The following NLK variants were observed in gnomAD, a reference collection of about 807,000 sequenced individuals.
The protein encoded by NLK is nemo like kinase.
In NLK, 11 loss-of-function variants were observed where a neutral mutation model predicts 59.0. The observed-to-expected ratio is 0.19, with a 90% CI of 0.12 to 0.31. NLK has a LOEUF of 0.31. Among genes scored for constraint, NLK ranks in the 10% least tolerant of loss-of-function variants. The pLI is 1.00. For synonymous variants in NLK, 235 were observed against 235.9 expected (o/e 1.00, Z 0.03); for missense variants, 410 against 661.1 (o/e 0.62, Z 4.16).
At chr17:28,187,031 T>TC (rs1313066740) in intron 8 of NLK, among the ~76,000 whole-genome samples, 2 of 152,204 alleles carry the variant, frequency 1.3e-5, no homozygotes, top group African/African-American at 4.8e-5. Context: ...AAGATGTTGA[T>TC]CAATATGTTA....
intron 1 of NLK, among the ~76,000 whole-genome samples, chr17:28,068,806 G>C (rs993649834): frequency 6.6e-6 from 1 of 152,136 alleles, no homozygotes; most frequent in Non-Finnish European, 1.5e-5. Context: ...AGCCTTCAGA[G>C]TAGCTGGGAC....
intron 3 of NLK, 58 bp from the exon 4 acceptor site, chr17:28,161,102 C>A: frequency 1.1e-6 from 1 of 903,770 alleles, no homozygotes; most frequent in South Asian, 1.3e-5. Context: ...ATCTGGTCAC[C>A]ACTTTGAGGG....
intron 3 of NLK, among the ~76,000 whole-genome samples, chr17:28,158,466 C>T (rs1907873802): frequency 6.6e-6 from 1 of 152,108 alleles, no homozygotes; most frequent in Admixed American, 6.5e-5. Flanking sequence ...AAACTCTGTG[C>T]TCTTAAGCTA....
downstream of NLK, chr17:28,196,453 C>G (rs1393093795): frequency 6.6e-6 from 1 of 152,384 alleles, no homozygotes; most frequent in Admixed American, 6.5e-5. Flanking sequence ...CCTGACTTTG[C>G]AAAGTTTTGA....
chr17:28,191,587 A>G (rs1909309473), intron 9 of NLK, among the ~76,000 whole-genome samples: 1 of 152,202 alleles, frequency 6.6e-6, no homozygotes, highest in African/African-American at 2.4e-5. Context: ...TTGGACGATG[A>G]CAAGAGAAGG....
At chr17:28,120,025 C>T (rs921325389) in intron 1 of NLK, among the ~76,000 whole-genome samples, 3 of 152,092 alleles carry the variant, frequency 2.0e-5, no homozygotes, top group Admixed American at 6.6e-5. Flanking sequence ...ACCAAAGAGA[C>T]GTGACAGTTG....
At chr17:28,113,743 G>A (rs1184595840) in intron 1 of NLK, among the ~76,000 whole-genome samples, 1 of 152,080 alleles carries the variant, frequency 6.6e-6, no homozygotes, top group Non-Finnish European at 1.5e-5. Context: ...TTAACTTCCT[G>A]GGAATGCAGC....
At chr17:28,141,256 T>C (rs1369470142) in intron 3 of NLK, among the ~76,000 whole-genome samples, 1 of 152,220 alleles carries the variant, frequency 6.6e-6, no homozygotes, top group Non-Finnish European at 1.5e-5. Flanking sequence ...GATATACTTT[T>C]CCTAAATTCT....
At chr17:28,204,557 T>C in the NLK span, among the ~76,000 whole-genome samples, 2 of 152,174 alleles carry the variant, frequency 1.3e-5, no homozygotes, top group African/African-American at 4.8e-5. Flanking sequence ...TGTGGATCCA[T>C]TCATTCAGCA....
chr17:28,158,554 TA>T (rs1907876985), intron 3 of NLK, among the ~76,000 whole-genome samples: 2 of 152,238 alleles, frequency 1.3e-5, no homozygotes, highest in Non-Finnish European at 2.9e-5. Context: ...CGAAACTTTT[TA>T]ATTTTGTTAA....
At chr17:28,201,229 T>A (rs1342357369), downstream of NLK, among the ~76,000 whole-genome samples, 1 of 152,032 alleles carries the variant, frequency 6.6e-6, no homozygotes, top group East Asian at 1.9e-4. Flanking sequence ...TACAAACATG[T>A]GCCACCACAC....
intron 1 of NLK, among the ~76,000 whole-genome samples, chr17:28,067,420 A>G (rs1293664363): frequency 6.6e-6 from 1 of 152,148 alleles, no homozygotes; most frequent in Admixed American, 6.5e-5. Context: ...TCATGGAGTC[A>G]AATTTGCAAA....
chr17:28,150,885 T>G (rs1672873756), intron 3 of NLK, among the ~76,000 whole-genome samples: 1 of 152,208 alleles, frequency 6.6e-6, no homozygotes, highest in Non-Finnish European at 1.5e-5. Context: ...CATATTCTTC[T>G]GAAAACCTTA....
At chr17:28,061,182 A>G (rs1007566408) in intron 1 of NLK, among the ~76,000 whole-genome samples, 1 of 152,220 alleles carries the variant, frequency 6.6e-6, no homozygotes, top group Non-Finnish European at 1.5e-5. Flanking sequence ...GTAGTAATCA[A>G]GTTGCTGAGA....
intron 3 of NLK, among the ~76,000 whole-genome samples, chr17:28,152,832 C>T (rs1442220174): frequency 6.6e-6 from 1 of 152,110 alleles, no homozygotes; most frequent in Non-Finnish European, 1.5e-5. Flanking sequence ...TTAAGATGCC[C>T]AGGCAGGTCT....
Position 28,047,166 on chromosome 17 carries a change from T to C in NLK, c.458+3835T>C, listed in dbSNP as rs569167635. Among the ~76,000 whole-genome samples, 42 of 152,346 alleles carry C rather than the reference T, an allele frequency of 2.8e-4. 1 individual carries two copies. The Middle Eastern group carries it at 0.014, about 49-fold the overall frequency. On this transcript the variant is annotated intron_variant, in intron 1 of 10. Transcript: ENST00000407008. Reference sequence around the variant, plus strand: ...AATTCTTGTAAACCAATGATTACACTGTCTAGCACACAGTAAGCATCAATA... The same window carrying C: ...AATTCTTGTAAACCAATGATTACACCGTCTAGCACACAGTAAGCATCAATA...
At chr17:28,052,865 G>C (rs1186171814) in intron 1 of NLK, among the ~76,000 whole-genome samples, 1 of 148,934 alleles carries the variant, frequency 6.7e-6, no homozygotes, top group East Asian at 1.9e-4. Flanking sequence ...CTACTGACCA[G>C]CACCAGCATA....
At chr17:28,101,634 A>G (rs1021716188) in intron 1 of NLK, among the ~76,000 whole-genome samples, 3 of 151,560 alleles carry the variant, frequency 2.0e-5, no homozygotes, top group African/African-American at 4.8e-5. Context: ...GATTGACCTC[A>G]TACCCTGGAA....
At chr17:28,123,297 G>A (rs888333771) in intron 2 of NLK, among the ~76,000 whole-genome samples, 8 of 152,134 alleles carry the variant, frequency 5.3e-5, no homozygotes, top group African/African-American at 9.7e-5. Flanking sequence ...TATGTTTAAA[G>A]CCCATAGAAA....
Sources: gnomAD v4.1 joint callset for allele counts (sites outside exome capture counted in the v4.1 genomes callset) on GRCh38, gnomAD v4.1.1 for gene constraint, MANE v1.5 for transcripts, NCBI Gene and HGNC (gene_info 2026-07-23, HGNC 2026-07-21) for gene names.